The following GRM8 variants were observed in gnomAD, a reference collection of about 807,000 sequenced individuals.
The protein encoded by GRM8 is metabotropic glutamate receptor 8.
GRM8 carries 47 observed loss-of-function variants against 87.2 expected under a neutral mutation model. The observed-to-expected ratio is 0.54, with a 90% CI of 0.43 to 0.69. GRM8 has a LOEUF of 0.69. Among genes scored for constraint, GRM8 ranks in the 30% least tolerant of loss-of-function variants. The pLI is 0.00. For synonymous variants in GRM8, 396 were observed against 404.5 expected (o/e 0.98, Z 0.25); for missense variants, 1,019 against 1,139.2 (o/e 0.89, Z 1.52).
chr7:127,047,721 C>T (rs531181284), intron 3 of GRM8, among the ~76,000 whole-genome samples: 1 of 152,226 alleles, frequency 6.6e-6, no homozygotes, highest in East Asian at 1.9e-4. Context: ...GTGCCAGCTA[C>T]TGGAGCAGCT....
chr7:127,224,054 T>C (rs1011506559), intron 2 of GRM8, among the ~76,000 whole-genome samples: 1 of 151,740 alleles, frequency 6.6e-6, no homozygotes, highest in Non-Finnish European at 1.5e-5. Flanking sequence ...AAAAATGAAC[T>C]AAGCCTCAGA....
At chr7:126,635,130 A>G (rs1801719249) in intron 7 of GRM8, among the ~76,000 whole-genome samples, 1 of 152,200 alleles carries the variant, frequency 6.6e-6, no homozygotes. Flanking sequence ...TCCCTCCCTC[A>G]GTGCCATGTC....
chr7:126,829,106 A>G (rs1302964657), intron 6 of GRM8, among the ~76,000 whole-genome samples: 1 of 151,512 alleles, frequency 6.6e-6, no homozygotes, highest in Non-Finnish European at 1.5e-5. Flanking sequence ...TTTGCTGAGG[A>G]GAGCTTTACT....
At chr7:127,193,258 C>T (rs1795113841) in intron 2 of GRM8, among the ~76,000 whole-genome samples, 1 of 152,142 alleles carries the variant, frequency 6.6e-6, no homozygotes. Flanking sequence ...AACACAACAT[C>T]ATCATACATA....
chr7:126,683,969 A>G (rs572645562), intron 7 of GRM8, among the ~76,000 whole-genome samples: 13 of 152,344 alleles, frequency 8.5e-5, no homozygotes, highest in African/African-American at 3.1e-4. Context: ...AGGCAATAGT[A>G]ACCTCCATGA....
At chr7:126,590,285 A>C (rs1401551463) in intron 8 of GRM8, among the ~76,000 whole-genome samples, 1 of 151,988 alleles carries the variant, frequency 6.6e-6, no homozygotes, top group Non-Finnish European at 1.5e-5. Flanking sequence ...AGAACTTCAG[A>C]GCTCAAAGAC....
rs189028954 is a variant in GRM8, at chr7:127,097,771, T to C, written c.727+8725A>G. Among the ~76,000 whole-genome samples, 5 of 152,330 alleles carry C rather than the reference T, an allele frequency of 3.3e-5. No individual in the cohort carries two copies. In the East Asian group the frequency reaches 9.6e-4, roughly 29 times the overall value. ...AGAGAAGCTTGTTAACAAAATCTCA[T>C]AATTGAAAAAGAGGGATTTAAAGAA... is the stretch of plus-strand genomic sequence containing the variant. On this transcript the variant is annotated intron_variant, in intron 3 of 10. Coordinates refer to ENST00000339582, the MANE Select transcript of GRM8 (RefSeq NM_000845.3).
chr7:126,578,836 TA>T (rs1453757949), intron 8 of GRM8, among the ~76,000 whole-genome samples: 1 of 152,038 alleles, frequency 6.6e-6, no homozygotes, highest in African/African-American at 2.4e-5. Flanking sequence ...TTATTAAACT[TA>T]AAGAGGAAAA....
intron 3 of GRM8, among the ~76,000 whole-genome samples, chr7:127,022,591 T>C (rs1179666961): frequency 2.0e-5 from 3 of 151,890 alleles, no homozygotes; most frequent in Admixed American, 6.6e-5. Context: ...TATGTAAGAA[T>C]AGGTTGGGTC....
chr7:126,993,823 T>C (rs1812908228), intron 3 of GRM8, among the ~76,000 whole-genome samples: 2 of 152,180 alleles, frequency 1.3e-5, no homozygotes, highest in African/African-American at 4.8e-5. Context: ...CCCATCTCAA[T>C]GGTCTGAACC....
chr7:127,087,727 T>C (rs1823655706), intron 3 of GRM8, among the ~76,000 whole-genome samples: 1 of 152,166 alleles, frequency 6.6e-6, no homozygotes, highest in Non-Finnish European at 1.5e-5. Flanking sequence ...CTCTTAAAAA[T>C]TAGTTAAGAA....
intron 9 of GRM8, among the ~76,000 whole-genome samples, chr7:126,459,376 G>GCGTTCTTTTTACTAAA (rs34714413): frequency 4.0e-5 from 6 of 151,224 alleles, no homozygotes; most frequent in Admixed American, 3.3e-4. Flanking sequence ...GAGAGAGCCA[G>GCGTTCTTTTTACTAAA]CCATGGAGTG....
intron 6 of GRM8, among the ~76,000 whole-genome samples, chr7:126,891,096 T>A (rs1227979098): frequency 6.6e-6 from 1 of 151,992 alleles, no homozygotes; most frequent in African/African-American, 2.4e-5. Context: ...TCCCCAATCA[T>A]TCATTATATC....
At chr7:126,448,798 T>C (rs1052521955) in intron 9 of GRM8, among the ~76,000 whole-genome samples, 2 of 151,844 alleles carry the variant, frequency 1.3e-5, no homozygotes, top group Admixed American at 6.6e-5. Flanking sequence ...GAAAACCAAA[T>C]ACTGCTTGTT....
At chr7:127,005,296 CA>C (rs758771104) in intron 3 of GRM8, among the ~76,000 whole-genome samples, 8 of 150,294 alleles carry the variant, frequency 5.3e-5, no homozygotes, top group African/African-American at 9.8e-5. Flanking sequence ...TAAACAACAA[CA>C]AAAAAAATAA....
chr7:126,942,368 C>T (rs1463624766), intron 3 of GRM8, among the ~76,000 whole-genome samples: 1 of 152,146 alleles, frequency 6.6e-6, no homozygotes, highest in Non-Finnish European at 1.5e-5. Flanking sequence ...CCACTTCAGA[C>T]TATGAAAGTT....
chr7:126,605,579 A>G (rs182952581), intron 8 of GRM8, among the ~76,000 whole-genome samples: 176 of 152,312 alleles, frequency 1.2e-3, no homozygotes, highest in African/African-American at 4.1e-3. Flanking sequence ...AATATGCCTA[A>G]CCATATACCC....
At chr7:127,129,332 C>A (rs556521208) in intron 2 of GRM8, among the ~76,000 whole-genome samples, 1 of 152,076 alleles carries the variant, frequency 6.6e-6, no homozygotes, top group African/African-American at 2.4e-5. Context: ...TATTTATTTC[C>A]TTTGAACTGC....
At chr7:127,024,810 T>A (rs181005707) in intron 3 of GRM8, among the ~76,000 whole-genome samples, 144 of 152,068 alleles carry the variant, frequency 9.5e-4, no homozygotes, top group Admixed American at 8.7e-3. Flanking sequence ...CATGCAGACA[T>A]CAGCTCCAAA....
Sources: gnomAD v4.1 joint callset for allele counts (sites outside exome capture counted in the v4.1 genomes callset) on GRCh38, gnomAD v4.1.1 for gene constraint, MANE v1.5 for transcripts, NCBI Gene and HGNC (gene_info 2026-07-23, HGNC 2026-07-21) for gene names.